The following MAST4 variants were observed in gnomAD, a reference collection of about 807,000 sequenced individuals.
MAST4 encodes microtubule associated serine/threonine kinase family member 4.
MAST4 carries 89 observed loss-of-function variants against 162.7 expected under a neutral mutation model. The ratio of observed to expected loss-of-function variants is 0.55; its 90% CI spans 0.46 to 0.65. MAST4 has a LOEUF of 0.65. MAST4 is among the 30% of genes least tolerant of loss of function. The probability of loss-of-function intolerance (pLI) is 0.00; values close to 1 mark genes in which losing one functional copy is unlikely to be tolerated. For synonymous variants in MAST4, 1,479 were observed against 1,361.1 expected (o/e 1.09, Z -1.91); for missense variants, 3,153 against 3,374.0 (o/e 0.93, Z 1.62).
rs200760212 is a variant in MAST4, at chr5:66,596,617, C to T, written c.-39C>T. 8.6e-6 allele frequency: 12 copies of T among 1,395,460 alleles called. No individual in the cohort carries two copies. In the African/African-American group the frequency reaches 1.0e-4, roughly 12 times the overall value. The allele number at this position is 1,395,460 out of a possible 1,614,324, so 86.4% of individuals were successfully genotyped here. A position where few individuals can be genotyped will look rare whatever the true frequency, so the allele number is the denominator to read the frequency against. The stretch of plus-strand genomic sequence containing the variant: ...CGGGAGGCGCTGAGTGCGCGCCGCG[C>T]CCCCGCCGCTCGGGAGGCACTTTGG... On this transcript the variant is annotated 5_prime_UTR_variant, in exon 1 of 29. Coordinates refer to ENST00000403625, the MANE Select transcript of MAST4 (RefSeq NM_001164664.2).
chr5:66,861,837 C>T (rs1179479049), intron 3 of MAST4, among the ~76,000 whole-genome samples: 7 of 152,086 alleles, frequency 4.6e-5, no homozygotes, highest in East Asian at 1.9e-4. Context: ...GATTACACCC[C>T]GGTAGAAGAT....
chr5:67,114,325 C>CTA (rs1766624427), intron 12 of MAST4, 106 bp downstream of exon 12: 1 of 1,361,860 alleles, frequency 7.3e-7, no homozygotes, highest in Non-Finnish European at 1.0e-6. Context: ...TTGGCTCTAT[C>CTA]TATTGATAAG....
At chr5:67,000,201 A>C (rs1192620573) in intron 4 of MAST4, among the ~76,000 whole-genome samples, 1 of 152,186 alleles carries the variant, frequency 6.6e-6, no homozygotes, top group Non-Finnish European at 1.5e-5. Flanking sequence ...GGGGATGGGA[A>C]GATGTCAAAG....
chr5:66,710,702 C>T (rs183848960), intron 1 of MAST4, among the ~76,000 whole-genome samples: 17 of 152,030 alleles, frequency 1.1e-4, no homozygotes, highest in African/African-American at 3.4e-4. Context: ...CTTGTGGACC[C>T]GCCGTCTGGG....
chr5:66,726,562 A>G (rs550645805), intron 1 of MAST4, among the ~76,000 whole-genome samples: 196 of 152,200 alleles, frequency 1.3e-3, no homozygotes, highest in African/African-American at 4.5e-3. Flanking sequence ...ATTTGATTCT[A>G]TAGACACTGA....
At chr5:67,045,876 T>G (rs75795316) in intron 4 of MAST4, among the ~76,000 whole-genome samples, 1 of 152,314 alleles carries the variant, frequency 6.6e-6, no homozygotes, top group East Asian at 1.9e-4. Context: ...TTGAAGATAA[T>G]GAGTGAAGCA....
intron 9 of MAST4, 59 bp downstream of exon 9, chr5:67,102,670 G>A: frequency 3.6e-6 from 5 of 1,372,294 alleles, no homozygotes; most frequent in Non-Finnish European, 5.2e-6. Flanking sequence ...TAGGTTTAGA[G>A]TCTGTAAGGT....
intron 1 of MAST4, among the ~76,000 whole-genome samples, chr5:66,627,892 A>G (rs974119240): frequency 6.6e-6 from 1 of 152,086 alleles, no homozygotes; most frequent in Non-Finnish European, 1.5e-5. Flanking sequence ...CAGATTAAGT[A>G]CCTTTCAGCT....
At chr5:66,741,565 CTG>C (rs1307463377) in intron 1 of MAST4, among the ~76,000 whole-genome samples, 2 of 152,066 alleles carry the variant, frequency 1.3e-5, no homozygotes, top group African/African-American at 2.4e-5. Context: ...GGCACACAGG[CTG>C]TGTTTGCCAA....
At chr5:67,069,949 G>T (rs547256478) in intron 5 of MAST4, among the ~76,000 whole-genome samples, 10 of 150,204 alleles carry the variant, frequency 6.7e-5, no homozygotes, top group African/African-American at 2.4e-4. Flanking sequence ...CCCTACTTCA[G>T]TGTTTAGAGA....
At chr5:67,122,857 C>G (rs938910295) in intron 14 of MAST4, among the ~76,000 whole-genome samples, 1 of 152,152 alleles carries the variant, frequency 6.6e-6, no homozygotes, top group Admixed American at 6.6e-5. Flanking sequence ...GTTAAACAAG[C>G]TGTGAATCAG....
At chr5:66,858,585 C>G (rs1759856281) in intron 3 of MAST4, among the ~76,000 whole-genome samples, 1 of 152,134 alleles carries the variant, frequency 6.6e-6, no homozygotes, top group South Asian at 2.1e-4. Flanking sequence ...GTTTTGTAAT[C>G]AATCTTGACT....
At chr5:67,028,905 A>C (rs1387750213) in intron 4 of MAST4, among the ~76,000 whole-genome samples, 2 of 152,086 alleles carry the variant, frequency 1.3e-5, no homozygotes, top group Non-Finnish European at 2.9e-5. Flanking sequence ...CAAGTGGGTG[A>C]ATCGCTTAAG....
chr5:66,876,690 G>A (rs1017313111), intron 3 of MAST4, among the ~76,000 whole-genome samples: 3 of 152,170 alleles, frequency 2.0e-5, no homozygotes, highest in Admixed American at 2.0e-4. Flanking sequence ...ATGAGACATA[G>A]TCTGCCCTAT....
chr5:66,649,260 A>G (rs965079987), intron 1 of MAST4, among the ~76,000 whole-genome samples: 1 of 152,116 alleles, frequency 6.6e-6, no homozygotes, highest in African/African-American at 2.4e-5. Flanking sequence ...ACTCTGACAT[A>G]CTCAGGGTTG....
intron 1 of MAST4, among the ~76,000 whole-genome samples, chr5:66,727,146 T>A (rs1369344203): frequency 6.6e-6 from 1 of 152,160 alleles, no homozygotes; most frequent in Admixed American, 6.5e-5. Flanking sequence ...GAGTCAAGTA[T>A]GTTTTAAACT....
intron 3 of MAST4, among the ~76,000 whole-genome samples, chr5:66,822,678 A>G (rs758113187): frequency 3.9e-5 from 6 of 152,100 alleles, no homozygotes; most frequent in African/African-American, 7.2e-5. Flanking sequence ...TTTCTCTCTT[A>G]TAGGCACATG....
chr5:67,092,336 C>T (rs1237910300), intron 6 of MAST4, among the ~76,000 whole-genome samples: 1 of 152,032 alleles, frequency 6.6e-6, no homozygotes, highest in Non-Finnish European at 1.5e-5. Flanking sequence ...CAAAATAGTC[C>T]AAGTATAGAC....
At chr5:66,706,111 A>C (rs748471674) in intron 1 of MAST4, among the ~76,000 whole-genome samples, 1 of 152,202 alleles carries the variant, frequency 6.6e-6, no homozygotes, top group Non-Finnish European at 1.5e-5. Flanking sequence ...CCTAGGCTCT[A>C]CTTTAAGTCA....
Sources: gnomAD v4.1 joint callset for allele counts (sites outside exome capture counted in the v4.1 genomes callset) on GRCh38, gnomAD v4.1.1 for gene constraint, MANE v1.5 for transcripts, NCBI Gene and HGNC (gene_info 2026-07-23, HGNC 2026-07-21) for gene names.